The following CFAP36 variants were observed in gnomAD, a reference collection of about 807,000 sequenced individuals.
CFAP36 encodes the protein cilia- and flagella-associated protein 36.
CFAP36 carries 37 observed loss-of-function variants against 50.5 expected under a neutral mutation model. The ratio of observed to expected loss-of-function variants is 0.73; its 90% CI spans 0.56 to 0.96. The LOEUF (loss-of-function observed/expected upper bound fraction) is 0.96. Among genes scored for constraint, CFAP36 ranks in the 50% least tolerant of loss-of-function variants. CFAP36 has a pLI of 0.00. For missense variants in CFAP36, 407 were observed against 396.2 expected, an observed-to-expected ratio of 1.03 and a Z score of -0.23; for synonymous variants, 138 against 128.2, an observed-to-expected ratio of 1.08 and a Z score of -0.52.
chr2:55,529,168 T>C (rs1193644882), intron 4 of CFAP36, among the ~76,000 whole-genome samples, 176 bp downstream of exon 4: 1 of 152,164 alleles, frequency 6.6e-6, no homozygotes, highest in Non-Finnish European at 1.5e-5. Flanking sequence ...ACGCCTGTAA[T>C]CACAGCACTT....
intron 4 of CFAP36, among the ~76,000 whole-genome samples, chr2:55,529,397 G>A (rs1379294777): frequency 6.6e-6 from 1 of 151,672 alleles, no homozygotes; most frequent in African/African-American, 2.4e-5. Context: ...ACTCCAGCCT[G>A]GGTGACAGAG....
chr2:55,526,841 G>A (rs987606933), intron 3 of CFAP36, among the ~76,000 whole-genome samples: 1 of 152,116 alleles, frequency 6.6e-6, no homozygotes, highest in African/African-American at 2.4e-5. Context: ...AGGCCACAAT[G>A]CAAGACCCCA....
intron 7 of CFAP36, among the ~76,000 whole-genome samples, chr2:55,539,717 A>G (rs1253087781): frequency 1.3e-5 from 2 of 152,256 alleles, no homozygotes; most frequent in African/African-American, 2.4e-5. Context: ...TAAAGCGGCT[A>G]TACCATTTTG....
In CFAP36 at chr2:55,519,770, A is replaced by T. The variant is rs1684003667; in HGVS notation, c.-32A>T. 1 of 1,610,946 alleles carries T rather than the reference A, an allele frequency of 6.2e-7. No homozygotes were observed. The highest frequency in any genetic ancestry group is 1.3e-5 in the African/African-American group (1 of 74,860). ...TAACCGGGGTCCGGCGGTCTGGCCT[A>T]GGGATCTTCCCCGTTGCCCCTTTGG... On this transcript the variant is annotated 5_prime_UTR_variant, in exon 1 of 10. Transcript: ENST00000349456.
chr2:55,532,493 A>C (rs955256503), intron 4 of CFAP36, among the ~76,000 whole-genome samples: 1 of 152,192 alleles, frequency 6.6e-6, no homozygotes, highest in Admixed American at 6.5e-5. Flanking sequence ...GATTATTAGG[A>C]GAATAATAAT....
At position 55,538,822 on chromosome 2, in the gene CFAP36, T is replaced by C. The variant is rs934863852; in HGVS notation, c.640+1237T>C. 5.2e-6 allele frequency: 8 copies of C among 1,540,716 alleles called. No individual in the cohort carries two copies. In the African/African-American group the frequency reaches 1.1e-4, roughly 21 times the overall value. ...TCACCGAACTCTTCAATGGTGAAAT[T>C]ATGACTTACCTTGGTCTTCTGACAC... On this transcript the variant is annotated intron_variant, in intron 7 of 9. Coordinates refer to ENST00000349456, the MANE Select transcript of CFAP36 (RefSeq NM_080667.7).
intron 2 of CFAP36, 46 bp downstream of exon 2, chr2:55,522,212 C>A: frequency 1.1e-6 from 1 of 914,528 alleles, no homozygotes; most frequent in Non-Finnish European, 1.7e-6. Flanking sequence ...TAGGCTAATA[C>A]TACTTATAGC....
At chr2:55,523,157 T>TC (rs1352944463) in intron 2 of CFAP36, among the ~76,000 whole-genome samples, 1 of 143,998 alleles carries the variant, frequency 6.9e-6, no homozygotes, top group Non-Finnish European at 1.5e-5. Context: ...ATGCCTATAA[T>TC]CCCAGCACTT....
chr2:55,541,187 C>T lies in CFAP36; in HGVS notation c.641-2751C>T, dbSNP rs554621259. On this transcript the variant is annotated intron_variant, in intron 7 of 9. Coordinates refer to ENST00000349456, the MANE Select transcript of CFAP36 (RefSeq NM_080667.7). The stretch of plus-strand genomic sequence containing the variant: ...AAAATACAAAAAATTAGCTGGGCAT[C>T]GTGGCAAGTTCCTGTAATGCTAGCT... Among the ~76,000 whole-genome samples the T allele has an allele frequency of 9.9e-5, 15 of 151,570 alleles. No individual in the cohort carries two copies. The South Asian group carries it at 3.1e-3, about 32-fold the overall frequency.
At chr2:55,521,201 CTTT>C (rs11315249) in intron 1 of CFAP36, among the ~76,000 whole-genome samples, 6 of 134,142 alleles carry the variant, frequency 4.5e-5, no homozygotes, top group Admixed American at 1.5e-4. Context: ...ATTTGTACTC[CTTT>C]TTTTTTTTTT....
chr2:55,528,688 G>A (rs1367653784), intron 3 of CFAP36, among the ~76,000 whole-genome samples, 190 bp from the exon 4 acceptor site: 1 of 152,132 alleles, frequency 6.6e-6, no homozygotes, highest in Non-Finnish European at 1.5e-5. Flanking sequence ...GAGCCACCGT[G>A]CCCGGCTGAG....
Position 55,535,773 on chromosome 2 carries a change from G to T in CFAP36, c.537+10G>T, listed in dbSNP as rs374404021. The stretch of plus-strand genomic sequence containing the variant: ...GAAGAGGAAAAAACAGGTGCCTACA[G>T]AACATATAACAGAAGTATTTTATTG... On this transcript the variant is annotated intron_variant, in intron 6 of 9. Coordinates refer to ENST00000349456, the MANE Select transcript of CFAP36 (RefSeq NM_080667.7). The T allele has an allele frequency of 6.4e-7, 1 of 1,554,152 alleles. No homozygotes were observed. Among genetic ancestry groups the T allele is most frequent in the Non-Finnish European group, 8.6e-7 (1 of 1,158,968 alleles).
chr2:55,538,257 CTG>C (rs1684544363), intron 7 of CFAP36, among the ~76,000 whole-genome samples: 1 of 150,452 alleles, frequency 6.6e-6, no homozygotes, highest in African/African-American at 2.4e-5. Flanking sequence ...AAAATATACT[CTG>C]TGAGGTAGAT....
intron 3 of CFAP36, among the ~76,000 whole-genome samples, chr2:55,527,103 C>A (rs1684228600): frequency 1.3e-5 from 2 of 152,044 alleles, no homozygotes; most frequent in African/African-American, 4.8e-5. Flanking sequence ...CTGGCAATTT[C>A]CAAGAAGACA....
At chr2:55,521,725 G>A (rs879847656) in intron 1 of CFAP36, among the ~76,000 whole-genome samples, 3 of 151,648 alleles carry the variant, frequency 2.0e-5, no homozygotes, top group Non-Finnish European at 2.9e-5. Flanking sequence ...CGCCTCCTGG[G>A]TTCAAGCAAT....
chr2:55,525,129 A>C (rs1412170975), intron 3 of CFAP36, among the ~76,000 whole-genome samples: 1 of 152,076 alleles, frequency 6.6e-6, no homozygotes, highest in Non-Finnish European at 1.5e-5. Context: ...GAGGATTGGG[A>C]TATGTTGCTA....
chr2:55,534,396 T>C (rs780910669), intron 5 of CFAP36, among the ~76,000 whole-genome samples: 1 of 152,174 alleles, frequency 6.6e-6, no homozygotes, highest in Non-Finnish European at 1.5e-5. Flanking sequence ...TTGGTGATAG[T>C]AACCTTCAAG....
At position 55,538,822 on chromosome 2, in the gene CFAP36, T is replaced by G. The variant is rs934863852; in HGVS notation, c.640+1237T>G. 2.6e-6 allele frequency: 4 copies of G among 1,540,834 alleles called. No individual in the cohort carries two copies. In the East Asian group the frequency reaches 9.8e-5, roughly 38 times the overall value. On this transcript the variant is annotated intron_variant, in intron 7 of 9. Transcript: ENST00000349456. ...TCACCGAACTCTTCAATGGTGAAAT[T>G]ATGACTTACCTTGGTCTTCTGACAC...
At chr2:55,535,579 C>T (rs1196873105) in intron 5 of CFAP36, 133 bp from the exon 6 acceptor site, 1 of 662,842 alleles carries the variant, frequency 1.5e-6, no homozygotes, top group Non-Finnish European at 2.4e-6. Context: ...TAGAGCAAGG[C>T]TTGATTATCT....
Sources: gnomAD v4.1 joint callset for allele counts (sites outside exome capture counted in the v4.1 genomes callset) on GRCh38, gnomAD v4.1.1 for gene constraint, MANE v1.5 for transcripts, NCBI Gene and HGNC (gene_info 2026-07-23, HGNC 2026-07-21) for gene names.